Variants in ZSCAN2 observed in about 807,000 individuals in gnomAD.
ZSCAN2 encodes zinc finger and SCAN domain containing 2, also known as zinc finger and SCAN domain-containing protein 2.
In ZSCAN2, 26 loss-of-function variants were observed where a neutral mutation model predicts 47.8. The ratio of observed to expected loss-of-function variants is 0.54; its 90% CI spans 0.40 to 0.75. The LOEUF (loss-of-function observed/expected upper bound fraction) is 0.75. Ranked by LOEUF, ZSCAN2 falls within the 30% of genes least tolerant of loss-of-function variation. The probability of loss-of-function intolerance (pLI) is 0.00; values close to 1 mark genes in which losing one functional copy is unlikely to be tolerated. For synonymous variants in ZSCAN2, 305 were observed against 288.7 expected (o/e 1.06, Z -0.57); for missense variants, 732 against 785.4 (o/e 0.93, Z 0.81).
chr15:84,603,164 T>C (rs1255887756), intron 1 of ZSCAN2, among the ~76,000 whole-genome samples: 2 of 152,064 alleles, frequency 1.3e-5, no homozygotes, highest in African/African-American at 2.4e-5. Flanking sequence ...AACAGAAACA[T>C]GAGTGTTATT....
chr15:84,604,485 C>A, intron 2 of ZSCAN2, 152 bp downstream of exon 2: 1 of 1,040,400 alleles, frequency 9.6e-7, no homozygotes, highest in Non-Finnish European at 1.4e-6. Flanking sequence ...GCGTGTTCAT[C>A]AGCCTTTTAG....
chr15:84,616,530 T>C lies in ZSCAN2; in HGVS notation c.407-4072T>C, dbSNP rs558466664. ...CATTGCTTTTACCCAGTCTGCTGTT[T>C]TGGGAAGCCCTGACATGTATTTTGG... On this transcript the variant is annotated intron_variant, in intron 2 of 2. Transcript: ENST00000546148. 809 of 1,338,516 alleles carry C rather than the reference T, an allele frequency of 6.0e-4. 1 individual carries two copies. The highest frequency in any genetic ancestry group is 7.2e-4 in the Non-Finnish European group (753 of 1,044,222). The allele number at this position is 1,338,516 out of a possible 1,614,324, so 82.9% of individuals were successfully genotyped here.
Position 84,621,227 on chromosome 15 carries a change from C to T in ZSCAN2, c.1032C>T (p.Gly344=), listed in dbSNP as rs762991707. The T allele has an allele frequency of 1.9e-6, 3 of 1,614,054 alleles. No individual in the cohort carries two copies. Among genetic ancestry groups the T allele is most frequent in the Non-Finnish European group, 8.5e-7 (1 of 1,180,018 alleles). The change falls in exon 3 of 3, where the codon GGC becomes GGT. Residue 344 remains glycine (G), a synonymous_variant. Coordinates refer to ENST00000546148, the MANE Select transcript of ZSCAN2 (RefSeq NM_181877.4). This position sits in a 1 kb window ranked among gnomAD's most constrained non-coding sequence, Gnocchi z 5.7. ...GCCCCGAGTGTGGAAAGAGCTTTGGCAACCGATCCAGCCTTAACACGCATC... is the reference window on the plus strand; with the variant it reads ...GCCCCGAGTGTGGAAAGAGCTTTGGTAACCGATCCAGCCTTAACACGCATC... ...YSCPECGKSF[G]NRSSLNTHQG...
intron 2 of ZSCAN2, 27 bp from the exon 3 acceptor site, chr15:84,620,574 CA>C (rs762154618): frequency 1.3e-6 from 2 of 1,555,712 alleles, no homozygotes; most frequent in Non-Finnish European, 1.8e-6. Context: ...GTTGAGTAGA[CA>C]TTGTATGTTT....
chr15:84,604,154 C>T lies in ZSCAN2; in HGVS notation c.227C>T (p.Ala76Val), dbSNP rs150217069. 1 of 1,613,630 alleles carries T rather than the reference C, an allele frequency of 6.2e-7. No homozygotes were observed. The highest frequency in any genetic ancestry group is 2.2e-5 in the East Asian group (1 of 44,880). The change falls in exon 2 of 3, where the codon GCA (alanine) becomes GTA (valine). Residue 76 changes from alanine (A) to valine (V), a missense_variant. Physicochemically the swap from Ala to Val is moderately conservative, Grantham distance 64. Transcript: ENST00000546148. ...QEEVTRGPQGALGRLRELCRR... is the reference protein window; with the variant it reads ...QEEVTRGPQGVLGRLRELCRR... ...GAGGTGACCAGGGGACCACAGGGTG[C>T]ACTCGGCCGCCTCCGAGAGCTCTGC...
chr15:84,609,911 GA>G (rs1895494698), intron 2 of ZSCAN2, among the ~76,000 whole-genome samples: 1 of 152,218 alleles, frequency 6.6e-6, no homozygotes, highest in African/African-American at 2.4e-5. Flanking sequence ...ATCCCCTATT[GA>G]CATGAGTCTT....
At position 84,622,599 on chromosome 15, in the gene ZSCAN2, C is replaced by T. The variant is rs1895840087; in HGVS notation, c.*559C>T. The T allele has an allele frequency of 1.4e-6, 1 of 717,298 alleles. No individual in the cohort carries two copies. The highest frequency in any genetic ancestry group is 2.6e-6 in the Non-Finnish European group (1 of 385,008). The allele number at this position is 717,298 out of a possible 1,614,324, so 44.4% of individuals were successfully genotyped here. A position where few individuals can be genotyped will look rare whatever the true frequency, so the allele number is the denominator to read the frequency against. ...TCAGGTCAAGATGGAGGGGCTTCTCCAGTTCTGAGTCACCCACGTGAAGGT... is the reference window on the plus strand; with the variant it reads ...TCAGGTCAAGATGGAGGGGCTTCTCTAGTTCTGAGTCACCCACGTGAAGGT... On this transcript the variant is annotated 3_prime_UTR_variant, in exon 3 of 3. Transcript: ENST00000546148.
At chr15:84,608,964 A>C (rs915246317) in intron 2 of ZSCAN2, among the ~76,000 whole-genome samples, 2 of 152,148 alleles carry the variant, frequency 1.3e-5, no homozygotes, top group Non-Finnish European at 2.9e-5. Context: ...GAAAAGCACT[A>C]CCCAGGAGAG....
Position 84,604,121 on chromosome 15 carries a change from C to T in ZSCAN2, c.194C>T (p.Pro65Leu), listed in dbSNP as rs781702136. Residue 65 changes from proline (P) to leucine (L), a missense_variant, in exon 2 of 3, where the codon CCC becomes CTC. By Grantham distance (98) the Pro-to-Leu change is moderately conservative (BLOSUM62 -3). This residue lies in a region of ZSCAN2 where 320 missense variants were observed against 287.4 expected (regional missense o/e 1.11). Coordinates refer to ENST00000546148, the MANE Select transcript of ZSCAN2 (RefSeq NM_181877.4). ...CCCCAGAGTGCTGGCAAGGGCGGCC[C>T]CCAGGAGGAGGTGACCAGGGGACCA... ...PFPQSAGKGGPQEEVTRGPQG... is the reference protein window; with the variant it reads ...PFPQSAGKGGLQEEVTRGPQG... The T allele has an allele frequency of 1.2e-6, 2 of 1,613,942 alleles. No homozygotes were observed. The highest frequency in any genetic ancestry group is 2.2e-5 in the South Asian group (2 of 91,054).
intron 2 of ZSCAN2, chr15:84,614,960 C>CT (rs909082753): frequency 1.4e-3 from 191 of 141,064 alleles, no homozygotes; most frequent in Admixed American, 2.1e-3. Context: ...AGTATTAGTT[C>CT]TTTTTTTTTT....
chr15:84,610,077 C>T (rs1385500725), intron 2 of ZSCAN2, among the ~76,000 whole-genome samples: 2 of 152,200 alleles, frequency 1.3e-5, no homozygotes, highest in East Asian at 1.9e-4. Flanking sequence ...ATACAAGGAC[C>T]GTTGGCTGAG....
intron 2 of ZSCAN2, among the ~76,000 whole-genome samples, chr15:84,619,304 C>T (rs934959219): frequency 2.0e-5 from 3 of 152,052 alleles, no homozygotes; most frequent in African/African-American, 7.2e-5. Context: ...GTGGTGGGCG[C>T]CTGTAGTCCC....
chr15:84,615,398 A>G (rs771626415), intron 2 of ZSCAN2, among the ~76,000 whole-genome samples: 1 of 152,068 alleles, frequency 6.6e-6, no homozygotes, highest in Non-Finnish European at 1.5e-5. Flanking sequence ...TGGTGCAAAT[A>G]TGGCTCACTG....
intron 2 of ZSCAN2, among the ~76,000 whole-genome samples, chr15:84,615,252 C>A (rs1425700670): frequency 6.6e-6 from 1 of 152,176 alleles, no homozygotes; most frequent in Non-Finnish European, 1.5e-5. Context: ...CCACGCCTGG[C>A]CTTTAAGTAC....
At chr15:84,616,343 A>T in intron 2 of ZSCAN2, 2 of 1,592,718 alleles carry the variant, frequency 1.3e-6, no homozygotes, top group Non-Finnish European at 1.7e-6. Flanking sequence ...GCCCTGTGTG[A>T]TTCCAGTTGC....
Position 84,604,277 on chromosome 15 carries a change from G to T in ZSCAN2, c.350G>T (p.Ser117Ile). ...QAWLQEHRPE[S>I]SEEAAALVED... is the part of the protein sequence containing the mutation. Reference sequence around the variant, plus strand: ...TGGCTGCAAGAGCATCGGCCTGAAAGCAGTGAGGAGGCAGCGGCCCTGGTG... The same window carrying T: ...TGGCTGCAAGAGCATCGGCCTGAAATCAGTGAGGAGGCAGCGGCCCTGGTG... The change falls in exon 2 of 3, where the codon AGC becomes ATC. Residue 117 changes from serine to isoleucine, a missense_variant. By Grantham distance (142) the Ser-to-Ile change is moderately radical (BLOSUM62 -2). Transcript: ENST00000546148. 6.2e-7 allele frequency: 1 copy of T among 1,614,116 alleles called. No individual in the cohort carries two copies. Among genetic ancestry groups the T allele is most frequent in the Non-Finnish European group, 8.5e-7 (1 of 1,179,988 alleles).
chr15:84,604,466 A>G, intron 2 of ZSCAN2, 133 bp downstream of exon 2: 8 of 1,184,366 alleles, frequency 6.8e-6, no homozygotes, highest in Non-Finnish European at 9.3e-6. Context: ...CTCTGTCTGC[A>G]GGCAGTCAGC....
intron 2 of ZSCAN2, chr15:84,611,670 C>A (rs1316450499): frequency 1.3e-5 from 2 of 151,532 alleles, no homozygotes; most frequent in African/African-American, 4.9e-5. Context: ...TTCGCTTGAA[C>A]CTGGGAGGCA....
chr15:84,610,956 G>A lies in ZSCAN2; in HGVS notation c.406+6623G>A, dbSNP rs1173012801. Among the ~76,000 whole-genome samples, 4 of 152,242 alleles carry A rather than the reference G, an allele frequency of 2.6e-5. No individual in the cohort carries two copies. In the East Asian group the frequency reaches 7.7e-4, roughly 29 times the overall value. On this transcript the variant is annotated intron_variant, in intron 2 of 2. Transcript: ENST00000546148. The stretch of plus-strand genomic sequence containing the variant: ...AAAAGTCAACCAAATAGAATAAAAG[G>A]TAAAAGATATAAACAATTTAGAAAT...
Sources: allele counts gnomAD v4.1 joint callset (sites outside exome capture counted in the v4.1 genomes callset), GRCh38; gene constraint gnomAD v4.1.1; regional missense constraint gnomAD v4.1.1; non-coding constraint Gnocchi (gnomAD v3.1); transcripts MANE v1.5; gene names NCBI Gene and HGNC (gene_info 2026-07-23, HGNC 2026-07-21).